BICRA: variants seen among roughly 807,000 people sequenced by gnomAD.
BICRA encodes the protein BRD4 interacting chromatin remodeling complex associated protein.
BICRA carries 31 observed loss-of-function variants against 96.9 expected under a neutral mutation model. That is an observed-to-expected ratio of 0.32 (90% CI 0.24 to 0.43). The LOEUF (loss-of-function observed/expected upper bound fraction) is 0.43. Among genes scored for constraint, BICRA ranks in the 20% least tolerant of loss-of-function variants. The probability of loss-of-function intolerance (pLI) is 1.00; values close to 1 mark genes in which losing one functional copy is unlikely to be tolerated. For synonymous variants in BICRA, 1,350 were observed against 1,071.8 expected (o/e 1.26, Z -5.07); for missense variants, 2,283 against 2,190.3 (o/e 1.04, Z -0.84).
chr19:47,701,219 C>T lies in BICRA; in HGVS notation c.3596-109C>T. 1 of 734,602 alleles carries T rather than the reference C, an allele frequency of 1.4e-6. No homozygotes were observed. The highest frequency in any genetic ancestry group is 2.3e-6 in the Non-Finnish European group (1 of 427,264). 45.5% of individuals were successfully genotyped at this position (734,602 alleles called of 1,614,324 possible). A position where few individuals can be genotyped will look rare whatever the true frequency, so the allele number is the denominator to read the frequency against. ...CCTGAGGATTGGAGGGTCCAGGGTG[C>T]AGTCTGGTGCCTGGCAGGTAGTAGG... On this transcript the variant is annotated intron_variant, in intron 14 of 14. Transcript: ENST00000594866. This position sits in a 1 kb window ranked among gnomAD's most constrained non-coding sequence, Gnocchi z 5.4.
rs1204873642 is a variant in BICRA, at chr19:47,699,449, C to G, written c.3595+44C>G. 14 of 1,106,998 alleles carry G rather than the reference C, an allele frequency of 1.3e-5. No individual in the cohort carries two copies. The highest frequency in any genetic ancestry group is 2.0e-5 in the Admixed American group (1 of 50,270). 68.6% of individuals were successfully genotyped at this position (1,106,998 alleles called of 1,614,324 possible). A position where few individuals can be genotyped will look rare whatever the true frequency, so the allele number is the denominator to read the frequency against. ...AGGGGAGGGGAGGGAGAGGTGCCCC[C>G]ACCCCACCTGGGCAGAAGAGTTAGA... On this transcript the variant is annotated intron_variant, in intron 14 of 14. Transcript: ENST00000594866. The surrounding 1 kb of genome is among the most constrained non-coding windows in gnomAD (Gnocchi z 5.0).
chr19:47,652,814 TAGTC>T (rs1599819240), intron 1 of BICRA, among the ~76,000 whole-genome samples: 2 of 152,230 alleles, frequency 1.3e-5, no homozygotes, highest in East Asian at 1.9e-4. Context: ...CCTTCATAGT[TAGTC>T]ATTGTGTTTA....
rs1396635567 is a variant in BICRA, at chr19:47,701,538, C to G, written c.3806C>G (p.Ser1269Cys). ...TGGGCCCGGGCGTCCTCCTCCCTGT[C>G]CTCCTCTTCCTCCTCCTCCTCTGCC... is the stretch of plus-strand genomic sequence containing the variant. Reference protein sequence around the residue: ...VTWARASSSLSSSSSSSSAAS... With the variant: ...VTWARASSSLCSSSSSSSAAS... The change falls in exon 15 of 15, where the codon TCC becomes TGC. Residue 1269 changes from serine (S) to cysteine (C), a missense_variant. Ser to Cys is a moderately radical substitution (Grantham distance 112, BLOSUM62 -1). Coordinates refer to ENST00000594866, the MANE Select transcript of BICRA (RefSeq NM_001394372.1). The surrounding 1 kb of genome is among the most constrained non-coding windows in gnomAD (Gnocchi z 5.4). The G allele has an allele frequency of 1.3e-6, 2 of 1,548,984 alleles. No homozygotes were observed.
At chr19:47,642,242 C>G (rs946803333) in intron 1 of BICRA, among the ~76,000 whole-genome samples, 1 of 152,180 alleles carries the variant, frequency 6.6e-6, no homozygotes, top group African/African-American at 2.4e-5. Context: ...ATCCATTCAC[C>G]TGCTGATGGA....
At chr19:47,614,178 A>T (rs1266792320) in intron 1 of BICRA, among the ~76,000 whole-genome samples, 1 of 152,126 alleles carries the variant, frequency 6.6e-6, no homozygotes. Context: ...AGTGATACAC[A>T]CACGGGGCAA....
In BICRA at chr19:47,657,931, G is replaced by GT. The variant is rs1046311690; in HGVS notation, c.-107-12502dup. Among the ~76,000 whole-genome samples the GT allele has an allele frequency of 6.7e-3, 751 of 112,282 alleles. 8 individuals carry two copies. The highest frequency in any genetic ancestry group is 0.024 in the African/African-American group (695 of 29,378). 73.7% of individuals were successfully genotyped at this position (112,282 alleles called of 152,430 possible). On this transcript the variant is annotated intron_variant, in intron 1 of 14. Coordinates refer to ENST00000594866, the MANE Select transcript of BICRA (RefSeq NM_001394372.1). Reference sequence around the variant, plus strand: ...GTCCCTCTTATACTCTCTCTCTCTCGTTTTTTTTTTCCCTGAGTCTGTTTT... The same window carrying GT: ...GTCCCTCTTATACTCTCTCTCTCTCGTTTTTTTTTTTCCCTGAGTCTGTTTT...
In BICRA at chr19:47,673,193, C is replaced by T. The variant is rs115306956; in HGVS notation, c.-5-377C>T. ...GCTCTGCTGCCTGCTTGCTGGGAGACGGAGGATGACCCTCCCGGTGCCTCC... is the reference window on the plus strand; with the variant it reads ...GCTCTGCTGCCTGCTTGCTGGGAGATGGAGGATGACCCTCCCGGTGCCTCC... On this transcript the variant is annotated intron_variant, in intron 2 of 14. Coordinates refer to ENST00000594866, the MANE Select transcript of BICRA (RefSeq NM_001394372.1). 3.9e-3 allele frequency among the ~76,000 whole-genome samples: 593 copies of T among 152,238 alleles called. 3 individuals are homozygous for T. The highest frequency in any genetic ancestry group is 0.013 in the African/African-American group (552 of 41,536).
chr19:47,698,906 C>T lies in BICRA; in HGVS notation c.3398-59C>T. 2.8e-6 allele frequency: 4 copies of T among 1,406,800 alleles called. No individual in the cohort carries two copies. The highest frequency in any genetic ancestry group is 3.9e-6 in the Non-Finnish European group (4 of 1,013,946). The allele number at this position is 1,406,800 out of a possible 1,614,324, so 87.1% of individuals were successfully genotyped here. On this transcript the variant is annotated intron_variant, in intron 12 of 14. Transcript: ENST00000594866. This position sits in a 1 kb window ranked among gnomAD's most constrained non-coding sequence, Gnocchi z 4.8. ...TGCTGACCCTGCCCCGCCCTCCTTC[C>T]TGCGCATCCGCGGCCGCCCCCAACA...
Position 47,659,480 on chromosome 19 carries a change from TG to T in BICRA, c.-107-10961del, listed in dbSNP as rs1455933874. ...CGGGGCTTTTTCATGCAATTGAAAA[TG>T]GTGCTTTGTCCGAGAGGGCATGACT... On this transcript the variant is annotated intron_variant, in intron 1 of 14. Coordinates refer to ENST00000594866, the MANE Select transcript of BICRA (RefSeq NM_001394372.1). Among the ~76,000 whole-genome samples the T allele has an allele frequency of 2.6e-5, 4 of 152,002 alleles. No homozygotes were observed. In the East Asian group the frequency reaches 7.7e-4, roughly 29 times the overall value.
chr19:47,629,044 C>G (rs1301508796), intron 1 of BICRA, among the ~76,000 whole-genome samples: 1 of 152,150 alleles, frequency 6.6e-6, no homozygotes, highest in Non-Finnish European at 1.5e-5. Flanking sequence ...CTGTGTTGCC[C>G]AGGCTGGAGT....
chr19:47,633,080 C>CTTTTTT (rs34761702), intron 1 of BICRA, among the ~76,000 whole-genome samples: 3 of 93,222 alleles, frequency 3.2e-5, no homozygotes, highest in Non-Finnish European at 4.2e-5. Flanking sequence ...GATTTTATTT[C>CTTTTTT]TTTTTTTTTT....
chr19:47,654,286 A>T (rs2123552794), intron 1 of BICRA, among the ~76,000 whole-genome samples: 1 of 152,110 alleles, frequency 6.6e-6, no homozygotes, highest in Non-Finnish European at 1.5e-5. Context: ...GTGGCTAATG[A>T]TGTTGAGTAT....
At chr19:47,673,797 TG>T in intron 4 of BICRA, 35 bp downstream of exon 4, 4 of 1,565,652 alleles carry the variant, frequency 2.6e-6, no homozygotes, top group East Asian at 2.2e-5. Flanking sequence ...ATTCCCTGAG[TG>T]GGGGGCTGTC....
intron 1 of BICRA, among the ~76,000 whole-genome samples, chr19:47,623,582 C>A (rs778589435): frequency 6.6e-6 from 1 of 152,142 alleles, no homozygotes; most frequent in African/African-American, 2.4e-5. Context: ...CACAAATAGC[C>A]GGTGCTGTGC....
In BICRA at chr19:47,660,161, T is replaced by C. The variant is rs533725984; in HGVS notation, c.-107-10282T>C. 2.0e-5 allele frequency among the ~76,000 whole-genome samples: 3 copies of C among 152,058 alleles called. No homozygotes were observed. In the East Asian group the frequency reaches 5.8e-4, roughly 29 times the overall value. Reference sequence around the variant, plus strand: ...GCAGGGCCACTGGGGTTGTCAGAGCTGTGCTCCCTCAGGAGGCTCTAGGGA... The same window carrying C: ...GCAGGGCCACTGGGGTTGTCAGAGCCGTGCTCCCTCAGGAGGCTCTAGGGA... On this transcript the variant is annotated intron_variant, in intron 1 of 14. Transcript: ENST00000594866.
chr19:47,680,645 A>C lies in BICRA; in HGVS notation c.1475A>C (p.Asn492Thr), dbSNP rs771343407. Residue 492 changes from asparagine (N) to threonine (T), a missense_variant, in exon 6 of 15, where the codon AAC becomes ACC. Physicochemically the swap from Asn to Thr is moderately conservative, Grantham distance 65. Transcript: ENST00000594866. Reference sequence around the variant, plus strand: ...CAGCAGCTCTCAGCCCTGCCGGCCAACGTGGGCGGGCAGATCCTGGCGGCC... The same window carrying C: ...CAGCAGCTCTCAGCCCTGCCGGCCACCGTGGGCGGGCAGATCCTGGCGGCC... ...LPQQLSALPA[N>T]VGGQILAAAA... 5.0e-6 allele frequency: 8 copies of C among 1,609,220 alleles called. No homozygotes were observed. The East Asian group carries it at 1.8e-4, about 36-fold the overall frequency.
At chr19:47,685,107 C>T (rs1038128407) in intron 7 of BICRA, among the ~76,000 whole-genome samples, 8 of 151,980 alleles carry the variant, frequency 5.3e-5, no homozygotes, top group Non-Finnish European at 4.4e-5. Flanking sequence ...GTAGCTGGGA[C>T]TACAGGCATG....
intron 1 of BICRA, among the ~76,000 whole-genome samples, chr19:47,621,507 C>G (rs1167137304): frequency 4.4e-5 from 6 of 135,570 alleles, no homozygotes; most frequent in African/African-American, 1.1e-4. Flanking sequence ...GAATTTTGCT[C>G]TTGTTGCCCA....
At position 47,699,111 on chromosome 19, in the gene BICRA, T is replaced by C; in HGVS notation, c.3492+52T>C. On this transcript the variant is annotated intron_variant, in intron 13 of 14. Coordinates refer to ENST00000594866, the MANE Select transcript of BICRA (RefSeq NM_001394372.1). This position sits in a 1 kb window ranked among gnomAD's most constrained non-coding sequence, Gnocchi z 5.0. ...TCTGGGCTCCTCCTCGCTGGGACACTGCCCCTTTCCCTCACCCGCTCTGGG... is the reference window on the plus strand; with the variant it reads ...TCTGGGCTCCTCCTCGCTGGGACACCGCCCCTTTCCCTCACCCGCTCTGGG... 7.9e-7 allele frequency: 1 copy of C among 1,263,100 alleles called. No individual in the cohort carries two copies. The highest frequency in any genetic ancestry group is 1.1e-6 in the Non-Finnish European group (1 of 888,140). The allele number at this position is 1,263,100 out of a possible 1,614,324, so 78.2% of individuals were successfully genotyped here.
Sources: allele counts gnomAD v4.1 joint callset (sites outside exome capture counted in the v4.1 genomes callset), GRCh38; gene constraint gnomAD v4.1.1; non-coding constraint Gnocchi (gnomAD v3.1); transcripts MANE v1.5; gene names NCBI Gene and HGNC (gene_info 2026-07-23, HGNC 2026-07-21).